Variants in AGAP1 observed in about 807,000 individuals in gnomAD.
AGAP1 encodes the protein ArfGAP with GTPase domain, ankyrin repeat and PH domain 1.
In AGAP1, 29 loss-of-function variants were observed where a neutral mutation model predicts 105.3. That is an observed-to-expected ratio of 0.28 (90% CI 0.21 to 0.38). The LOEUF (loss-of-function observed/expected upper bound fraction) is 0.38. AGAP1 is among the 10% of genes least tolerant of loss of function. AGAP1 has a pLI of 1.00. For missense variants in AGAP1, 998 were observed against 1,165.1 expected, an observed-to-expected ratio of 0.86 and a Z score of 2.09; for synonymous variants, 509 against 485.9, an observed-to-expected ratio of 1.05 and a Z score of -0.63.
intron 1 of AGAP1, among the ~76,000 whole-genome samples, chr2:235,630,066 G>A (rs887842257): frequency 6.6e-6 from 1 of 151,998 alleles, no homozygotes; most frequent in African/African-American, 2.4e-5. Flanking sequence ...GGATGGAAAT[G>A]CATTAAGATG....
chr2:235,661,996 G>C (rs1947973412), intron 1 of AGAP1, among the ~76,000 whole-genome samples: 1 of 152,162 alleles, frequency 6.6e-6, no homozygotes, highest in South Asian at 2.1e-4. Context: ...AAGGGCTTTT[G>C]GAGGCCAAGA....
rs1185772600 is a variant in AGAP1, at chr2:235,599,256, G to A, written c.163+104407G>A. Among the ~76,000 whole-genome samples, 2 of 152,156 alleles carry A rather than the reference G, an allele frequency of 1.3e-5. No homozygotes were observed. The highest frequency in any genetic ancestry group is 6.5e-5 in the Admixed American group (1 of 15,272). Reference sequence around the variant, plus strand: ...CACACAGCTGTTCATTTCGGTGGCCGAGGGCCTGTGGGCTGCAGTACGTTT... The same window carrying A: ...CACACAGCTGTTCATTTCGGTGGCCAAGGGCCTGTGGGCTGCAGTACGTTT... On this transcript the variant is annotated intron_variant, in intron 1 of 17. Transcript: ENST00000304032. This position sits in a 1 kb window ranked among gnomAD's most constrained non-coding sequence, Gnocchi z 5.3.
chr2:235,602,985 A>G (rs936154914), intron 1 of AGAP1, among the ~76,000 whole-genome samples: 4 of 152,128 alleles, frequency 2.6e-5, no homozygotes, highest in African/African-American at 7.2e-5. Flanking sequence ...TGCAGGCGTG[A>G]GCCACCGTGC....
chr2:235,877,902 C>T lies in AGAP1; in HGVS notation c.1051-5443C>T, dbSNP rs1356934041. Reference sequence around the variant, plus strand: ...TTGCCAACTTAAAATTTGTCCTCGCCAGGGGAATCTTTCCTAATGCAAATC... The same window carrying T: ...TTGCCAACTTAAAATTTGTCCTCGCTAGGGGAATCTTTCCTAATGCAAATC... On this transcript the variant is annotated intron_variant, in intron 9 of 17. Coordinates refer to ENST00000304032, the MANE Select transcript of AGAP1 (RefSeq NM_001037131.3). The surrounding 1 kb of genome is among the most constrained non-coding windows in gnomAD (Gnocchi z 4.3). Among the ~76,000 whole-genome samples, 2 of 152,178 alleles carry T rather than the reference C, an allele frequency of 1.3e-5. No individual in the cohort carries two copies. The highest frequency in any genetic ancestry group is 4.8e-5 in the African/African-American group (2 of 41,442).
rs768455212 is a variant in AGAP1 at position 235,569,980 on chromosome 2, C to G, written c.163+75131C>G. 3.9e-4 allele frequency among the ~76,000 whole-genome samples: 59 copies of G among 152,334 alleles called. No individual in the cohort carries two copies. Among genetic ancestry groups the G allele is most frequent in the Admixed American group, 2.2e-3 (33 of 15,300 alleles). Reference sequence around the variant, plus strand: ...AAACATGGTGTGACTGGCCCGGGATCCAAATTATTTGCAGCGCCTGTCGTC... The same window carrying G: ...AAACATGGTGTGACTGGCCCGGGATGCAAATTATTTGCAGCGCCTGTCGTC... On this transcript the variant is annotated intron_variant, in intron 1 of 17. Coordinates refer to ENST00000304032, the MANE Select transcript of AGAP1 (RefSeq NM_001037131.3). The surrounding 1 kb of genome is among the most constrained non-coding windows in gnomAD (Gnocchi z 5.9).
rs543776047 is a variant in AGAP1, at chr2:235,711,911, A to G, written c.222+2674A>G. Reference sequence around the variant, plus strand: ...GACATGATGTCATGGCAAGCCTCCAATAGGCCCTTTATGTAACATTTTGCA... The same window carrying G: ...GACATGATGTCATGGCAAGCCTCCAGTAGGCCCTTTATGTAACATTTTGCA... On this transcript the variant is annotated intron_variant, in intron 2 of 17. Transcript: ENST00000304032. Among the ~76,000 whole-genome samples, 228 of 152,278 alleles carry G rather than the reference A, an allele frequency of 1.5e-3. 1 individual carries two copies. Among genetic ancestry groups the G allele is most frequent in the African/African-American group, 4.8e-3 (199 of 41,534 alleles).
chr2:236,069,393 C>G (rs2058438208), intron 16 of AGAP1, among the ~76,000 whole-genome samples: 1 of 152,060 alleles, frequency 6.6e-6, no homozygotes, highest in African/African-American at 2.4e-5. Flanking sequence ...ATTATTTATA[C>G]ATATGAGCAT....
chr2:235,985,493 C>T (rs964572536), intron 13 of AGAP1, among the ~76,000 whole-genome samples: 1 of 152,154 alleles, frequency 6.6e-6, no homozygotes, highest in African/African-American at 2.4e-5. Flanking sequence ...GTTGCAATTG[C>T]TTTTGGCATT....
chr2:236,036,924 T>G lies in AGAP1; in HGVS notation c.1800+209T>G, dbSNP rs2125664007. 6.6e-6 allele frequency among the ~76,000 whole-genome samples: 1 copy of G among 152,326 alleles called. No homozygotes were observed. Among genetic ancestry groups the G allele is most frequent in the South Asian group, 2.1e-4 (1 of 4,820 alleles). ...ATGAGTATTCCAGCCTGACCGTGCT[T>G]CCCTGGCAGGAGAGCCAAGGTTAAA... On this transcript the variant is annotated intron_variant, in intron 14 of 17. Transcript: ENST00000304032. The surrounding 1 kb of genome is among the most constrained non-coding windows in gnomAD (Gnocchi z 5.7).
chr2:235,625,345 C>T lies in AGAP1; in HGVS notation c.164-83834C>T, dbSNP rs1306275440. ...GACCTGGAGGAGGTGTGAAGACCTG[C>T]GCATGTGGACAGTTTGAAAGCCTAG... On this transcript the variant is annotated intron_variant, in intron 1 of 17. Coordinates refer to ENST00000304032, the MANE Select transcript of AGAP1 (RefSeq NM_001037131.3). The surrounding 1 kb of genome is among the most constrained non-coding windows in gnomAD (Gnocchi z 4.0). Among the ~76,000 whole-genome samples, 1 of 152,166 alleles carries T rather than the reference C, an allele frequency of 6.6e-6. No homozygotes were observed. Among genetic ancestry groups the T allele is most frequent in the African/African-American group, 2.4e-5 (1 of 41,438 alleles).
At chr2:235,579,266 A>G (rs909831810) in intron 1 of AGAP1, among the ~76,000 whole-genome samples, 3 of 152,146 alleles carry the variant, frequency 2.0e-5, no homozygotes, top group Non-Finnish European at 2.9e-5. Context: ...TTACCAGGCG[A>G]CACTTTTGCT....
intron 16 of AGAP1, among the ~76,000 whole-genome samples, chr2:236,067,803 T>C (rs956773706): frequency 6.6e-6 from 1 of 152,146 alleles, no homozygotes; most frequent in Non-Finnish European, 1.5e-5. Flanking sequence ...GCGAGTGTTT[T>C]TCACAAGAGT....
Position 236,125,260 on chromosome 2 carries a change from A to G in AGAP1, c.*1138A>G, listed in dbSNP as rs2059984690. On this transcript the variant is annotated 3_prime_UTR_variant, in exon 18 of 18. Transcript: ENST00000304032. The surrounding 1 kb of genome is among the most constrained non-coding windows in gnomAD (Gnocchi z 5.2). ...AAAAGAAGTTCATAAATATGCATTG[A>G]TTTTTGTACAGACAAATGGCACCTC... 1 of 153,098 alleles carries G rather than the reference A, an allele frequency of 6.5e-6. No individual in the cohort carries two copies. The highest frequency in any genetic ancestry group is 1.5e-5 in the Non-Finnish European group (1 of 68,046). The allele number at this position is 153,098 out of a possible 1,614,324, so 9.5% of individuals were successfully genotyped here.
At chr2:235,911,123 C>T (rs1271234165) in intron 11 of AGAP1, among the ~76,000 whole-genome samples, 2 of 152,066 alleles carry the variant, frequency 1.3e-5, no homozygotes, top group Non-Finnish European at 2.9e-5. Flanking sequence ...ATTAATTTAA[C>T]TTAAATAAAA....
chr2:235,652,072 T>C (rs1947613560), intron 1 of AGAP1, among the ~76,000 whole-genome samples: 1 of 152,160 alleles, frequency 6.6e-6, no homozygotes, highest in Non-Finnish European at 1.5e-5. Context: ...CCCTAGACCA[T>C]ATCGAAGGGG....
intron 1 of AGAP1, chr2:235,670,051 C>T (rs1184837930): frequency 7.7e-6 from 3 of 387,216 alleles, no homozygotes; most frequent in Non-Finnish European, 9.0e-6. Flanking sequence ...CGGCGCCCTC[C>T]CGGCCCGCGG....
rs1212582260 is a variant in AGAP1, at chr2:235,864,671, G to A, written c.1051-18674G>A. 6.6e-6 allele frequency among the ~76,000 whole-genome samples: 1 copy of A among 152,172 alleles called. No individual in the cohort carries two copies. Among genetic ancestry groups the A allele is most frequent in the East Asian group, 1.9e-4 (1 of 5,198 alleles). On this transcript the variant is annotated intron_variant, in intron 9 of 17. Transcript: ENST00000304032. The surrounding 1 kb of genome is among the most constrained non-coding windows in gnomAD (Gnocchi z 5.0). ...CAGAGTGAAAGGAAAGAAAAACGAG[G>A]CGATCAAGAGATAATATTAACTAGA...
intron 9 of AGAP1, among the ~76,000 whole-genome samples, chr2:235,831,652 C>T (rs1959426432): frequency 6.6e-6 from 1 of 152,290 alleles, no homozygotes; most frequent in Non-Finnish European, 1.5e-5. Context: ...CATTTCTTTC[C>T]AGTGCTGAGT....
intron 1 of AGAP1, among the ~76,000 whole-genome samples, chr2:235,587,503 G>C (rs1040562421): frequency 6.6e-6 from 1 of 152,136 alleles, no homozygotes; most frequent in Admixed American, 6.5e-5. Flanking sequence ...TGTAATTCCA[G>C]AACTTTGGGA....
Sources: gnomAD v4.1 joint callset for allele counts (sites outside exome capture counted in the v4.1 genomes callset) on GRCh38, gnomAD v4.1.1 for gene constraint, Gnocchi (gnomAD v3.1) non-coding constraint, MANE v1.5 for transcripts, NCBI Gene and HGNC (gene_info 2026-07-23, HGNC 2026-07-21) for gene names.